The following PHF2 variants were observed in gnomAD, a reference collection of about 807,000 sequenced individuals.
PHF2 encodes PHD finger protein 2, also known as lysine-specific demethylase PHF2.
PHF2 carries 27 observed loss-of-function variants against 120.5 expected under a neutral mutation model. The observed-to-expected ratio is 0.22, with a 90% CI of 0.17 to 0.31. The LOEUF (loss-of-function observed/expected upper bound fraction) is 0.31, where lower values mean the gene tolerates loss of function less well. Ranked by LOEUF, PHF2 falls within the 10% of genes least tolerant of loss-of-function variation. The probability of loss-of-function intolerance (pLI) is 1.00; values close to 1 mark genes in which losing one functional copy is unlikely to be tolerated. For missense variants in PHF2, 1,024 were observed against 1,434.8 expected (o/e 0.71, Z 4.63); for synonymous variants, 568 against 592.5 (o/e 0.96, Z 0.60).
At chr9:93,659,447 T>C (rs925987965) in intron 10 of PHF2, 64 bp from the exon 11 acceptor site, 22 of 1,348,842 alleles carry the variant, frequency 1.6e-5, no homozygotes, top group Non-Finnish European at 2.3e-5. Context: ...CCTGCAAGAA[T>C]GCAGGGGTAA....
intron 5 of PHF2, among the ~76,000 whole-genome samples, chr9:93,650,658 T>C (rs933725876): frequency 6.6e-6 from 1 of 152,168 alleles, no homozygotes; most frequent in Non-Finnish European, 1.5e-5. Context: ...CCCTGCACTT[T>C]GTGGCTCTGA....
intron 1 of PHF2, among the ~76,000 whole-genome samples, chr9:93,610,865 G>T (rs749244218): frequency 4.6e-5 from 7 of 152,094 alleles, no homozygotes; most frequent in Non-Finnish European, 5.9e-5. Flanking sequence ...TGTGCATTGG[G>T]CCTCCTGCAG....
chr9:93,617,641 A>C (rs1825750185), intron 1 of PHF2, among the ~76,000 whole-genome samples: 1 of 152,200 alleles, frequency 6.6e-6, no homozygotes, highest in Admixed American at 6.5e-5. Flanking sequence ...GGACAGAACT[A>C]ATAGATATGT....
intron 17 of PHF2, among the ~76,000 whole-genome samples, chr9:93,667,655 C>T (rs1467578876): frequency 6.6e-6 from 1 of 152,102 alleles, no homozygotes; most frequent in Non-Finnish European, 1.5e-5. Context: ...TCCTGGTCTT[C>T]TTGACAGCTG....
intron 1 of PHF2, among the ~76,000 whole-genome samples, chr9:93,592,292 G>A (rs1454519248): frequency 6.6e-6 from 1 of 152,166 alleles, no homozygotes; most frequent in African/African-American, 2.4e-5. Flanking sequence ...CCCCACTGTG[G>A]GAGCAGCGGG....
At chr9:93,634,312 G>T (rs1433833827) in intron 2 of PHF2, among the ~76,000 whole-genome samples, 1 of 152,106 alleles carries the variant, frequency 6.6e-6, no homozygotes, top group Non-Finnish European at 1.5e-5. Context: ...ATTGTTGGGG[G>T]GTCAGGAGGG....
chr9:93,659,431 CGACAGCCT>C, intron 10 of PHF2, 72 bp from the exon 11 acceptor site: 1 of 1,174,226 alleles, frequency 8.5e-7, no homozygotes, highest in African/African-American at 1.5e-5. Context: ...GGCAGTCAGG[CGACAGCCT>C]GCAAGAATGC....
chr9:93,641,725 T>C (rs1166520744), intron 3 of PHF2, among the ~76,000 whole-genome samples: 3 of 152,272 alleles, frequency 2.0e-5, no homozygotes, highest in African/African-American at 7.2e-5. Flanking sequence ...TCTGCCATTC[T>C]GTGTTGTCTT....
intron 1 of PHF2, among the ~76,000 whole-genome samples, chr9:93,603,143 T>A (rs538916999): frequency 3.5e-4 from 53 of 152,156 alleles, no homozygotes; most frequent in Non-Finnish European, 6.3e-4. Context: ...TCTTGTGGAT[T>A]CCGTGTTGGT....
At chr9:93,609,057 G>T in intron 1 of PHF2, among the ~76,000 whole-genome samples, 1 of 99,734 alleles carries the variant, frequency 1.0e-5, no homozygotes, top group East Asian at 2.6e-4. Flanking sequence ...TCTCCTCTCA[G>T]CATATCAATA....
chr9:93,592,360 C>T (rs1449598560), intron 1 of PHF2, among the ~76,000 whole-genome samples: 2 of 152,126 alleles, frequency 1.3e-5, no homozygotes, highest in East Asian at 1.9e-4. Flanking sequence ...ATTTGGGGAG[C>T]GCAGCATCAT....
At chr9:93,580,736 A>G (rs1862916378) in intron 1 of PHF2, among the ~76,000 whole-genome samples, 1 of 152,200 alleles carries the variant, frequency 6.6e-6, no homozygotes, top group African/African-American at 2.4e-5. Context: ...CAGACATTTC[A>G]TTCATACCTC....
intron 3 of PHF2, among the ~76,000 whole-genome samples, chr9:93,643,319 A>G (rs1443898105): frequency 6.6e-6 from 1 of 152,222 alleles, no homozygotes; most frequent in Non-Finnish European, 1.5e-5. Flanking sequence ...GGACGTTGGC[A>G]TTGGGATTCA....
Position 93,656,649 on chromosome 9 carries a change from C to A in PHF2, c.1147+54C>A. 8.0e-7 allele frequency: 1 copy of A among 1,246,824 alleles called. No homozygotes were observed. The highest frequency in any genetic ancestry group is 1.2e-6 in the Non-Finnish European group (1 of 851,350). The allele number at this position is 1,246,824 out of a possible 1,614,324, so 77.2% of individuals were successfully genotyped here. A position where few individuals can be genotyped will look rare whatever the true frequency, so the allele number is the denominator to read the frequency against. On this transcript the variant is annotated intron_variant, in intron 9 of 21. Coordinates refer to ENST00000359246, the MANE Select transcript of PHF2 (RefSeq NM_005392.4). This position sits in a 1 kb window ranked among gnomAD's most constrained non-coding sequence, Gnocchi z 4.1. ...AGCCTGGGGCTCTTGGCTGTGGGGGCAGCCAGACCTGGTCAGGGCTGACTG... is the reference window on the plus strand; with the variant it reads ...AGCCTGGGGCTCTTGGCTGTGGGGGAAGCCAGACCTGGTCAGGGCTGACTG...
intron 6 of PHF2, 39 bp from the exon 7 acceptor site, chr9:93,654,374 C>T: frequency 6.3e-7 from 1 of 1,597,768 alleles, no homozygotes; most frequent in Non-Finnish European, 8.6e-7. Flanking sequence ...ACCCCCGCAT[C>T]CCAGTATGGG....
intron 1 of PHF2, among the ~76,000 whole-genome samples, chr9:93,599,085 GTGTCCATCTCCA>G (rs749926569): frequency 4.1e-4 from 62 of 152,158 alleles, no homozygotes; most frequent in Non-Finnish European, 3.7e-4. Context: ...AGCTAGTCCC[GTGTCCATCTCCA>G]TGGGTGTGGC....
chr9:93,615,205 G>GTGATGA (rs1564381937), intron 1 of PHF2, among the ~76,000 whole-genome samples: 5 of 59,914 alleles, frequency 8.3e-5, no homozygotes, highest in Non-Finnish European at 2.1e-4. Flanking sequence ...GATGATGATG[G>GTGATGA]TGATGGTGAT....
chr9:93,671,282 G>A lies in PHF2; in HGVS notation c.2349-2303G>A, dbSNP rs1457723742. The A allele has an allele frequency of 4.8e-5, 38 of 793,884 alleles. 1 individual carries two copies. Among genetic ancestry groups the A allele is most frequent in the Admixed American group, 6.5e-5 (1 of 15,464 alleles). 49.2% of individuals were successfully genotyped at this position (793,884 alleles called of 1,614,324 possible). A position where few individuals can be genotyped will look rare whatever the true frequency, so the allele number is the denominator to read the frequency against. Reference sequence around the variant, plus strand: ...GGTGCGGGTGTGGGAGTAGGCACAGGTGCAGATGCAGATGTGGGTGTGGGA... The same window carrying A: ...GGTGCGGGTGTGGGAGTAGGCACAGATGCAGATGCAGATGTGGGTGTGGGA... On this transcript the variant is annotated intron_variant, in intron 17 of 21. Coordinates refer to ENST00000359246, the MANE Select transcript of PHF2 (RefSeq NM_005392.4).
intron 1 of PHF2, among the ~76,000 whole-genome samples, chr9:93,628,700 G>T (rs1363839533): frequency 6.6e-6 from 1 of 152,134 alleles, no homozygotes; most frequent in Non-Finnish European, 1.5e-5. Flanking sequence ...TACCTGGGGG[G>T]AATGTCCCTT....
Sources: allele counts gnomAD v4.1 joint callset (sites outside exome capture counted in the v4.1 genomes callset), GRCh38; gene constraint gnomAD v4.1.1; non-coding constraint Gnocchi (gnomAD v3.1); transcripts MANE v1.5; gene names NCBI Gene and HGNC (gene_info 2026-07-23, HGNC 2026-07-21).